The following NADK2 variants were observed in gnomAD, a reference collection of about 807,000 sequenced individuals.
NADK2 encodes NAD kinase 2, mitochondrial, also known as NAD kinase domain-containing protein 1, mitochondrial.
In NADK2, 35 loss-of-function variants were observed where a neutral mutation model predicts 62.1. That is an observed-to-expected ratio of 0.56 (90% confidence interval 0.43 to 0.75). NADK2 has a LOEUF of 0.75. Among genes scored for constraint, NADK2 ranks in the 30% least tolerant of loss-of-function variants. NADK2 has a pLI of 0.00. For synonymous variants in NADK2, 205 were observed against 207.9 expected (o/e 0.99, Z 0.12); for missense variants, 439 against 561.3 (o/e 0.78, Z 2.20).
At chr5:36,218,886 G>C (rs989086125) in intron 5 of NADK2, among the ~76,000 whole-genome samples, 2 of 152,136 alleles carry the variant, frequency 1.3e-5, no homozygotes, top group African/African-American at 4.8e-5. Flanking sequence ...TACTAGATGG[G>C]AGATAAAGAT....
At chr5:36,200,198 G>A (rs540436597) in intron 10 of NADK2, 29 bp downstream of exon 10, 12 of 1,513,704 alleles carry the variant, frequency 7.9e-6, no homozygotes, top group Non-Finnish European at 9.9e-6. Flanking sequence ...GAACTAAACT[G>A]TTAGTGATTA....
At chr5:36,224,435 T>C (rs1350595033) in intron 4 of NADK2, among the ~76,000 whole-genome samples, 1 of 151,714 alleles carries the variant, frequency 6.6e-6, no homozygotes, top group Non-Finnish European at 1.5e-5. Flanking sequence ...TGCATGCCTA[T>C]AGTCCCAGCC....
intron 7 of NADK2, 134 bp downstream of exon 7, chr5:36,211,710 T>G: frequency 1.4e-6 from 1 of 712,382 alleles, no homozygotes; most frequent in Non-Finnish European, 2.4e-6. Context: ...TTTGGAAATA[T>G]TTCATTAAAT....
rs779878777 is a variant in NADK2 at position 36,207,306 on chromosome 5, T to C, written c.861-41A>G. On this transcript the variant is annotated intron_variant, in intron 7 of 11. Coordinates refer to ENST00000381937, the MANE Select transcript of NADK2 (RefSeq NM_001085411.3). ...ATAAAACTGTTTGCTGAGCTTATGG[T>C]TCAAGGTAAATAAGAGAGTCTTCTT... 13 of 1,472,300 alleles carry C rather than the reference T, an allele frequency of 8.8e-6. No homozygotes were observed. In the South Asian group the frequency reaches 1.5e-4, roughly 17 times the overall value. The allele number at this position is 1,472,300 out of a possible 1,614,324, so 91.2% of individuals were successfully genotyped here. A position where few individuals can be genotyped will look rare whatever the true frequency, so the allele number is the denominator to read the frequency against.
chr5:36,233,605 G>A (rs1337337688), intron 1 of NADK2, among the ~76,000 whole-genome samples: 1 of 151,908 alleles, frequency 6.6e-6, no homozygotes, highest in South Asian at 2.1e-4. Context: ...AAACATACTA[G>A]GCTAAATTCT....
At position 36,193,758 on chromosome 5, in the gene NADK2, ACAT is replaced by A. The variant is rs936714222; in HGVS notation, c.*1383_*1385del. The A allele has an allele frequency of 2.6e-5, 4 of 152,750 alleles. No individual in the cohort carries two copies. Among genetic ancestry groups the A allele is most frequent in the African/African-American group, 9.6e-5 (4 of 41,574 alleles). 9.5% of individuals were successfully genotyped at this position (152,750 alleles called of 1,614,324 possible). A position where few individuals can be genotyped will look rare whatever the true frequency, so the allele number is the denominator to read the frequency against. On this transcript the variant is annotated 3_prime_UTR_variant, in exon 12 of 12. Transcript: ENST00000381937. ...TTATTTTAAAAAATTGATAAGAACA[ACAT>A]GTTAAATATTGGCAAAACTAAGAGC...
Position 36,241,738 on chromosome 5 carries a change from C to T in NADK2, c.61G>A (p.Ala21Thr). The change falls in exon 1 of 12, where the codon GCG becomes ACG. Residue 21 changes from alanine (A) to threonine (T), a missense_variant. By Grantham distance (58) the Ala-to-Thr change is moderately conservative. Transcript: ENST00000381937. This position sits in a 1 kb window ranked among gnomAD's most constrained non-coding sequence, Gnocchi z 4.9. ...CCCGCACCCGGTCCCCGCAGCGCCG[C>T]CGCCCGGCCGCCCGCCACGCGACAA... The part of the protein sequence containing the change: ...SCCRVAGGRA[A>T]ALRGPGAGGP... The T allele has an allele frequency of 2.3e-6, 3 of 1,284,022 alleles. No homozygotes were observed. The highest frequency in any genetic ancestry group is 3.0e-6 in the Non-Finnish European group (3 of 1,010,588). 79.5% of individuals were successfully genotyped at this position (1,284,022 alleles called of 1,614,324 possible).
At chr5:36,234,372 C>CAAA (rs10551356) in intron 1 of NADK2, among the ~76,000 whole-genome samples, 7 of 77,208 alleles carry the variant, frequency 9.1e-5, no homozygotes, top group Middle Eastern at 6.9e-3. Flanking sequence ...AACTCCGTCT[C>CAAA]AAAAAAAAAA....
chr5:36,212,510 ATTAC>A (rs1287271462), intron 6 of NADK2, among the ~76,000 whole-genome samples: 7 of 152,144 alleles, frequency 4.6e-5, no homozygotes, highest in Non-Finnish European at 8.8e-5. Flanking sequence ...TTCCTTCATA[ATTAC>A]TTAAACATTA....
intron 6 of NADK2, chr5:36,212,150 C>A (rs1746872819): frequency 8.8e-6 from 3 of 341,392 alleles, no homozygotes; most frequent in Admixed American, 9.0e-5. Context: ...GCAAAATAAA[C>A]CTTAATTCTT....
At chr5:36,222,922 G>T (rs1209338567) in intron 4 of NADK2, among the ~76,000 whole-genome samples, 1 of 152,116 alleles carries the variant, frequency 6.6e-6, no homozygotes, top group Non-Finnish European at 1.5e-5. Flanking sequence ...GAGTTTATTG[G>T]TACATGTTAC....
At chr5:36,211,323 C>T (rs542818442) in intron 7 of NADK2, among the ~76,000 whole-genome samples, 12 of 152,188 alleles carry the variant, frequency 7.9e-5, no homozygotes, top group East Asian at 1.9e-4. Flanking sequence ...GTTCTTCTGC[C>T]GTGGCTTCAG....
At chr5:36,232,839 T>C (rs765029188) in intron 1 of NADK2, among the ~76,000 whole-genome samples, 5 of 152,196 alleles carry the variant, frequency 3.3e-5, no homozygotes, top group Non-Finnish European at 7.3e-5. Context: ...TTGAAATCTA[T>C]ACTGTTAGTC....
rs114391213 is a variant in NADK2, at chr5:36,239,037, T to C, written c.300+2462A>G. Among the ~76,000 whole-genome samples the C allele has an allele frequency of 6.0e-3, 910 of 152,276 alleles. 14 individuals are homozygous for C. Among genetic ancestry groups the C allele is most frequent in the African/African-American group, 0.021 (868 of 41,538 alleles). On this transcript the variant is annotated intron_variant, in intron 1 of 11. Transcript: ENST00000381937. ...TTTAACAAATAGCCTAAAACAGACCTGTTTTACATCAAAAAACCACCACCA... is the reference window on the plus strand; with the variant it reads ...TTTAACAAATAGCCTAAAACAGACCCGTTTTACATCAAAAAACCACCACCA...
Position 36,241,361 on chromosome 5 carries a change from G to A in NADK2, c.300+138C>T. The A allele has an allele frequency of 1.5e-6, 2 of 1,332,688 alleles. No homozygotes were observed. The highest frequency in any genetic ancestry group is 1.9e-6 in the Non-Finnish European group (2 of 1,040,794). 82.6% of individuals were successfully genotyped at this position (1,332,688 alleles called of 1,614,324 possible). On this transcript the variant is annotated intron_variant, in intron 1 of 11. Transcript: ENST00000381937. The surrounding 1 kb of genome is among the most constrained non-coding windows in gnomAD (Gnocchi z 4.9). ...GGCCCAGGGAGAAGCCAGAGGACCT[G>A]GGGGCCGCGAGAGAGGCAGGACCGG...
At position 36,205,338 on chromosome 5, in the gene NADK2, G is replaced by A. The variant is rs2112086382; in HGVS notation, c.956+1832C>T. On this transcript the variant is annotated intron_variant, in intron 8 of 11. Coordinates refer to ENST00000381937, the MANE Select transcript of NADK2 (RefSeq NM_001085411.3). The surrounding 1 kb of genome is among the most constrained non-coding windows in gnomAD (Gnocchi z 4.1). The stretch of plus-strand genomic sequence containing the variant: ...TAAAGAGAATGACATTTCAAGACTG[G>A]ATTTTCAGACAGTGGATAGAAAGTG... Among the ~76,000 whole-genome samples the A allele has an allele frequency of 6.6e-6, 1 of 152,166 alleles. No individual in the cohort carries two copies. The highest frequency in any genetic ancestry group is 1.9e-4 in the East Asian group (1 of 5,178).
intron 4 of NADK2, among the ~76,000 whole-genome samples, chr5:36,224,002 C>T (rs774018539): frequency 6.6e-6 from 1 of 152,024 alleles, no homozygotes; most frequent in Non-Finnish European, 1.5e-5. Context: ...ACTTTCAATT[C>T]CTCTGTGAAA....
chr5:36,217,963 TTAAA>T (rs1747111513), intron 5 of NADK2, 79 bp from the exon 6 acceptor site: 6 of 1,324,238 alleles, frequency 4.5e-6, no homozygotes, highest in South Asian at 2.9e-5. Flanking sequence ...TTTAACCAAA[TTAAA>T]TAGTTAATAA....
chr5:36,229,626 G>A (rs76220612), intron 1 of NADK2, among the ~76,000 whole-genome samples: 6,592 of 151,524 alleles, frequency 0.044, 535 homozygotes, highest in African/African-American at 0.15. Context: ...CTAGTTTCAC[G>A]GCTTTAAAAG....
Sources: allele counts gnomAD v4.1 joint callset (sites outside exome capture counted in the v4.1 genomes callset), GRCh38; gene constraint gnomAD v4.1.1; non-coding constraint Gnocchi (gnomAD v3.1); transcripts MANE v1.5; gene names NCBI Gene and HGNC (gene_info 2026-07-23, HGNC 2026-07-21).